MGST3: variants seen among roughly 807,000 people sequenced by gnomAD.
MGST3 encodes glutathione S-transferase 3, mitochondrial.
In MGST3, 13 loss-of-function variants were observed where a neutral mutation model predicts 15.8. The observed-to-expected ratio is 0.82, with a 90% CI of 0.54 to 1.31. The LOEUF is 1.31. Among genes scored for constraint, MGST3 ranks in the 50% most tolerant of loss-of-function variants. MGST3 has a pLI of 0.00. For missense variants in MGST3, 155 were observed against 192.4 expected, an observed-to-expected ratio of 0.81 and a Z score of 1.15; for synonymous variants, 49 against 68.1, an observed-to-expected ratio of 0.72 and a Z score of 1.38.
At position 165,652,540 on chromosome 1, in the gene MGST3, G is replaced by A. The variant is rs536230582; in HGVS notation, c.249+505G>A. Among the ~76,000 whole-genome samples the A allele has an allele frequency of 2.0e-5, 3 of 152,278 alleles. No homozygotes were observed. The East Asian group carries it at 5.8e-4, about 29-fold the overall frequency. On this transcript the variant is annotated intron_variant, in intron 4 of 5. Coordinates refer to ENST00000367889, the MANE Select transcript of MGST3 (RefSeq NM_004528.4). ...TGGTGAGTGCAGAGAAGAAAACAAA[G>A]TGGGGAAGGTGGAAAGGGGATGTGG...
intron 1 of MGST3, among the ~76,000 whole-genome samples, chr1:165,639,470 G>T (rs188102896): frequency 2.6e-5 from 4 of 152,296 alleles, no homozygotes; most frequent in African/African-American, 9.6e-5. Context: ...GATGGAAAGT[G>T]TTAAAATATC....
intron 1 of MGST3, chr1:165,646,787 G>A (rs1363398391): frequency 1.3e-5 from 2 of 152,240 alleles, no homozygotes; most frequent in South Asian, 2.1e-4. Context: ...CCAGACAAAC[G>A]TGGTCCTGCT....
intron 1 of MGST3, among the ~76,000 whole-genome samples, chr1:165,634,798 C>CTCCCTCTCCCTCCCT (rs1648065133): frequency 4.9e-5 from 1 of 20,414 alleles, no homozygotes; most frequent in Non-Finnish European, 1.2e-4. Context: ...CCTCCCTCCC[C>CTCCCTCTCCCTCCCT]CCCACTCTCA....
At chr1:165,649,071 C>T (rs1490571186) in intron 1 of MGST3, 1 of 152,134 alleles carries the variant, frequency 6.6e-6, no homozygotes, top group African/African-American at 2.4e-5. Context: ...TCGTGGAAGC[C>T]TTTGAAGTGA....
intron 1 of MGST3, among the ~76,000 whole-genome samples, chr1:165,639,033 A>G (rs1477824254): frequency 6.6e-6 from 1 of 152,168 alleles, no homozygotes; most frequent in Non-Finnish European, 1.5e-5. Flanking sequence ...TCCACATTGG[A>G]AAGGAAGAAG....
chr1:165,655,567 A>C lies in MGST3; in HGVS notation c.*63A>C. On this transcript the variant is annotated 3_prime_UTR_variant, in exon 6 of 6. Transcript: ENST00000367889. ...ATGACTTACCTTTATTTCCAGTTAC[A>C]TTTTTTTTCTAAATATAATAAAAAC... The C allele has an allele frequency of 6.3e-7, 1 of 1,591,190 alleles. No homozygotes were observed. Among genetic ancestry groups the C allele is most frequent in the Non-Finnish European group, 8.6e-7 (1 of 1,164,150 alleles).
intron 1 of MGST3, among the ~76,000 whole-genome samples, chr1:165,634,024 G>GTTTTTT (rs56190944): frequency 7.2e-6 from 1 of 138,458 alleles, no homozygotes; most frequent in Non-Finnish European, 1.6e-5. Context: ...CTTTCCCAAA[G>GTTTTTT]TTTTTTTTTT....
In MGST3 at chr1:165,640,756, C is replaced by T. The variant is rs145939745; in HGVS notation, c.-7-9085C>T. 8.2e-4 allele frequency among the ~76,000 whole-genome samples: 125 copies of T among 152,294 alleles called. 1 individual carries two copies. The highest frequency in any genetic ancestry group is 2.6e-3 in the Admixed American group (40 of 15,296). ...TATAAAAAATATAAGCAAGGAGACA[C>T]GCTCTCTGTCCTCAAAGAGCACATA... On this transcript the variant is annotated intron_variant, in intron 1 of 5. Coordinates refer to ENST00000367889, the MANE Select transcript of MGST3 (RefSeq NM_004528.4).
chr1:165,655,301 T>C (rs1648677617), intron 5 of MGST3, 67 bp from the exon 6 acceptor site: 16 of 1,593,820 alleles, frequency 1.0e-5, no homozygotes, highest in Non-Finnish European at 1.2e-5. Context: ...TAGAATGGCT[T>C]GCGAATGTTG....
At chr1:165,634,923 A>G (rs184099314) in intron 1 of MGST3, among the ~76,000 whole-genome samples, 189 of 151,930 alleles carry the variant, frequency 1.2e-3, no homozygotes, top group Non-Finnish European at 2.3e-3. Context: ...GGAAGGAATC[A>G]TTCTGAGAAA....
Position 165,655,618 on chromosome 1 carries a change from A to G in MGST3, c.*114A>G, listed in dbSNP as rs187363916. 1.9e-4 allele frequency: 246 copies of G among 1,280,766 alleles called. 2 individuals carry two copies. The Admixed American group carries it at 5.0e-3, about 26-fold the overall frequency. 79.3% of individuals were successfully genotyped at this position (1,280,766 alleles called of 1,614,324 possible). A position where few individuals can be genotyped will look rare whatever the true frequency, so the allele number is the denominator to read the frequency against. On this transcript the variant is annotated 3_prime_UTR_variant, in exon 6 of 6. Transcript: ENST00000367889. ...TTACCTGGCATCAGCCTCATACCTA[A>G]AACTCCTGACTCTTACCACTCATTT...
intron 1 of MGST3, chr1:165,632,287 G>C (rs746827787): frequency 4.3e-6 from 7 of 1,612,342 alleles, no homozygotes; most frequent in Non-Finnish European, 5.9e-6. Context: ...ATGTGCTGTT[G>C]GGCCTAGGTG....
intron 4 of MGST3, 51 bp from the exon 5 acceptor site, chr1:165,654,228 A>T: frequency 6.4e-7 from 1 of 1,565,584 alleles, no homozygotes; most frequent in Non-Finnish European, 8.8e-7. Context: ...GTGTTAAAAA[A>T]GGTTTGCTTG....
At chr1:165,636,447 G>C (rs534183024) in intron 1 of MGST3, among the ~76,000 whole-genome samples, 1 of 152,120 alleles carries the variant, frequency 6.6e-6, no homozygotes, top group Non-Finnish European at 1.5e-5. Flanking sequence ...AGAGGATTGC[G>C]TTTATGGGCC....
intron 5 of MGST3, among the ~76,000 whole-genome samples, chr1:165,654,776 T>G (rs561858771): frequency 1.3e-5 from 2 of 152,230 alleles, no homozygotes; most frequent in Non-Finnish European, 2.9e-5. Flanking sequence ...AGGTGAAAGG[T>G]CTGTTTTCTT....
intron 1 of MGST3, among the ~76,000 whole-genome samples, chr1:165,642,297 T>C (rs1204192957): frequency 6.6e-6 from 1 of 152,186 alleles, no homozygotes; most frequent in Non-Finnish European, 1.5e-5. Flanking sequence ...ACGATCACCC[T>C]CATGCAGTGC....
intron 1 of MGST3, chr1:165,646,248 C>G (rs964684252): frequency 6.6e-6 from 1 of 152,224 alleles, no homozygotes; most frequent in African/African-American, 2.4e-5. Context: ...AACTGAGCTG[C>G]ATCCCCTTCC....
intron 4 of MGST3, among the ~76,000 whole-genome samples, 159 bp downstream of exon 4, chr1:165,652,194 A>G (rs1363648627): frequency 6.6e-6 from 1 of 152,226 alleles, no homozygotes; most frequent in Non-Finnish European, 1.5e-5. Flanking sequence ...AGTTCTTTAA[A>G]GGAGATGGGA....
At chr1:165,631,752 G>A (rs770470720) in intron 1 of MGST3, among the ~76,000 whole-genome samples, 1 of 152,178 alleles carries the variant, frequency 6.6e-6, no homozygotes, top group Non-Finnish European at 1.5e-5. Context: ...TTCAGAAGTG[G>A]CCTGTGAGCA....
Sources: gnomAD v4.1 joint callset for allele counts (sites outside exome capture counted in the v4.1 genomes callset) on GRCh38, gnomAD v4.1.1 for gene constraint, MANE v1.5 for transcripts, NCBI Gene and HGNC (gene_info 2026-07-23, HGNC 2026-07-21) for gene names.